SH2D5: variants seen among roughly 807,000 people sequenced by gnomAD.
The protein encoded by SH2D5 is SH2 domain-containing protein 5.
SH2D5 carries 45 observed loss-of-function variants against 48.2 expected under a neutral mutation model. The ratio of observed to expected loss-of-function variants is 0.93; its 90% confidence interval spans 0.73 to 1.20. The LOEUF (loss-of-function observed/expected upper bound fraction) is 1.20. Ranked by LOEUF, SH2D5 falls within the 50% of genes most tolerant of loss-of-function variation. The pLI, the probability that SH2D5 is intolerant of heterozygous loss-of-function variation, is 0.00. For missense variants in SH2D5, 538 were observed against 584.1 expected, an observed-to-expected ratio of 0.92 and a Z score of 0.81; for synonymous variants, 230 against 249.8, an observed-to-expected ratio of 0.92 and a Z score of 0.75.
At chr1:20,723,591 G>A in intron 8 of SH2D5, 35 bp downstream of exon 8, 2 of 1,546,396 alleles carry the variant, frequency 1.3e-6, no homozygotes, top group South Asian at 1.1e-5. Flanking sequence ...CCACCCCAAG[G>A]GACTGGGCGT....
intron 5 of SH2D5, 60 bp from the exon 6 acceptor site, chr1:20,724,695 C>T (rs2054762756): frequency 6.8e-7 from 1 of 1,460,360 alleles, no homozygotes; most frequent in South Asian, 1.4e-5. Context: ...CCAGTGAACT[C>T]CCTGGGCCTC....
At chr1:20,722,667 C>G (rs2054709305) in intron 9 of SH2D5, 89 bp downstream of exon 9, 45 of 1,320,338 alleles carry the variant, frequency 3.4e-5, no homozygotes, top group Non-Finnish European at 4.2e-5. Context: ...TTCAGGACCT[C>G]AGCAGTTAGA....
At position 20,729,399 on chromosome 1, in the gene SH2D5, C is replaced by T. The variant is rs1321684964; in HGVS notation, c.-42-1313G>A. 6.6e-6 allele frequency among the ~76,000 whole-genome samples: 1 copy of T among 152,148 alleles called. No homozygotes were observed. The highest frequency in any genetic ancestry group is 6.5e-5 in the Admixed American group (1 of 15,284). ...GGTCCAAATCCTGTGTGACTTTGGA[C>T]CAGCTGCCTCAACCCTCTGAGCCTC... On this transcript the variant is annotated intron_variant, in intron 1 of 9. Coordinates refer to ENST00000444387, the MANE Select transcript of SH2D5 (RefSeq NM_001103161.2). The surrounding 1 kb of genome is among the most constrained non-coding windows in gnomAD (Gnocchi z 4.2).
Position 20,728,011 on chromosome 1 carries a change from A to C in SH2D5, c.34T>G (p.Ser12Ala). The C allele has an allele frequency of 1.9e-6, 3 of 1,563,738 alleles. No homozygotes were observed. The highest frequency in any genetic ancestry group is 2.6e-6 in the Non-Finnish European group (3 of 1,155,182). ...CGGTGAGGGGCCAGCCCGCAGTCAG[A>C]GGCCCTGCGGCCCCCAGCCCCCGCC... is the stretch of plus-strand genomic sequence containing the variant. ...QKAGAGGRRA[S>A]DCGLAPHRPR... The change falls in exon 2 of 10, where the codon TCT becomes GCT. Residue 12 changes from serine to alanine, a missense_variant. Coordinates refer to ENST00000444387, the MANE Select transcript of SH2D5 (RefSeq NM_001103161.2). The surrounding 1 kb of genome is among the most constrained non-coding windows in gnomAD (Gnocchi z 4.3).
chr1:20,721,697 G>T lies in SH2D5; in HGVS notation c.*95C>A. ...GCTCCAAGGGCAGGGTGACTGGATGGAACTGGCAACCAGAGGGGTGCAGGA... is the reference window on the plus strand; with the variant it reads ...GCTCCAAGGGCAGGGTGACTGGATGTAACTGGCAACCAGAGGGGTGCAGGA... On this transcript the variant is annotated 3_prime_UTR_variant, in exon 10 of 10. Transcript: ENST00000444387. 1 of 1,205,534 alleles carries T rather than the reference G, an allele frequency of 8.3e-7. No homozygotes were observed. The highest frequency in any genetic ancestry group is 1.7e-5 in the South Asian group (1 of 59,506). 74.7% of individuals were successfully genotyped at this position (1,205,534 alleles called of 1,614,324 possible). A position where few individuals can be genotyped will look rare whatever the true frequency, so the allele number is the denominator to read the frequency against.
intron 5 of SH2D5, 68 bp from the exon 6 acceptor site, chr1:20,724,703 C>T: frequency 2.8e-6 from 4 of 1,441,510 alleles, no homozygotes; most frequent in Non-Finnish European, 3.6e-6. Flanking sequence ...CTCCCTGGGC[C>T]TCAGCCCACT....
chr1:20,724,108 C>T lies in SH2D5; in HGVS notation c.774G>A (p.Gln258=). ...GAYRGCTYET[Q]LQLSAREAFP... ...AGGCCTCCCGAGCCGACAGCTGCAGCTGGGTCTCATAGGTGCAGCCGCGGT... is the reference window on the plus strand; with the variant it reads ...AGGCCTCCCGAGCCGACAGCTGCAGTTGGGTCTCATAGGTGCAGCCGCGGT... Residue 258 remains glutamine (Q), a synonymous_variant, in exon 7 of 10, where the codon CAG becomes CAA. Coordinates refer to ENST00000444387, the MANE Select transcript of SH2D5 (RefSeq NM_001103161.2). The T allele has an allele frequency of 6.2e-7, 1 of 1,612,134 alleles. No individual in the cohort carries two copies. The highest frequency in any genetic ancestry group is 8.5e-7 in the Non-Finnish European group (1 of 1,179,278).
intron 1 of SH2D5, among the ~76,000 whole-genome samples, chr1:20,730,310 G>T (rs942101391): frequency 5.7e-5 from 1 of 17,466 alleles, no homozygotes; most frequent in Non-Finnish European, 1.3e-4. Context: ...CCTGCTCGGG[G>T]GGGGGGGGGA....
At chr1:20,727,348 AG>A in intron 3 of SH2D5, 174 bp downstream of exon 3, 1 of 664,862 alleles carries the variant, frequency 1.5e-6, no homozygotes, top group South Asian at 1.9e-5. Flanking sequence ...ACAGTAGCCC[AG>A]GGCATAAGGG....
At position 20,724,241 on chromosome 1, in the gene SH2D5, G is replaced by T; in HGVS notation, c.641C>A (p.Pro214Gln). The T allele has an allele frequency of 6.2e-7, 1 of 1,612,656 alleles. No homozygotes were observed. The highest frequency in any genetic ancestry group is 1.1e-5 in the South Asian group (1 of 91,064). The part of the protein sequence containing the change: ...EGLVGSGKEL[P>Q]ESEGRARHAR... Reference sequence around the variant, plus strand: ...ATGGCGGGCACGGCCTTCCGACTCTGGCAGCTCCTTCTAGGGCACCAAGAG... The same window carrying T: ...ATGGCGGGCACGGCCTTCCGACTCTTGCAGCTCCTTCTAGGGCACCAAGAG... Residue 214 changes from proline (P) to glutamine (Q), a missense_variant, in exon 7 of 10, where the codon CCA becomes CAA. Physicochemically the swap from Pro to Gln is moderately conservative, Grantham distance 76 (BLOSUM62 -1). Coordinates refer to ENST00000444387, the MANE Select transcript of SH2D5 (RefSeq NM_001103161.2).
At chr1:20,725,869 G>C (rs528935255) in intron 5 of SH2D5, 51 bp downstream of exon 5, 13 of 1,599,474 alleles carry the variant, frequency 8.1e-6, no homozygotes, top group South Asian at 6.8e-5. Context: ...GATGCCTGGC[G>C]CACAGCCCCT....
intron 1 of SH2D5, among the ~76,000 whole-genome samples, chr1:20,730,057 G>A (rs1016205439): frequency 6.6e-6 from 1 of 152,180 alleles, no homozygotes; most frequent in Non-Finnish European, 1.5e-5. Flanking sequence ...GGTGGGGAGG[G>A]GGGCTTCCAG....
At position 20,720,040 on chromosome 1, in the gene SH2D5, A is replaced by T. The variant is rs139699357; in HGVS notation, c.*1752T>A. ...GAGAGCCTTGGCCCAAGTCTGGACC[A>T]ATGACCAGGTCTTCTTAAGTGCCCA... On this transcript the variant is annotated 3_prime_UTR_variant, in exon 10 of 10. Transcript: ENST00000444387. The T allele has an allele frequency of 1.2e-3, 184 of 152,340 alleles. No homozygotes were observed. Among genetic ancestry groups the T allele is most frequent in the African/African-American group, 4.3e-3 (177 of 41,580 alleles). The allele number at this position is 152,340 out of a possible 1,614,324, so 9.4% of individuals were successfully genotyped here. A position where few individuals can be genotyped will look rare whatever the true frequency, so the allele number is the denominator to read the frequency against.
At position 20,732,050 on chromosome 1, in the gene SH2D5, T is replaced by C. The variant is rs2054920170; in HGVS notation, c.-43+131A>G. 1 of 151,202 alleles carries C rather than the reference T, an allele frequency of 6.6e-6. No individual in the cohort carries two copies. The highest frequency in any genetic ancestry group is 2.4e-5 in the African/African-American group (1 of 40,868). 9.4% of individuals were successfully genotyped at this position (151,202 alleles called of 1,614,324 possible). A position where few individuals can be genotyped will look rare whatever the true frequency, so the allele number is the denominator to read the frequency against. On this transcript the variant is annotated intron_variant, in intron 1 of 9. Coordinates refer to ENST00000444387, the MANE Select transcript of SH2D5 (RefSeq NM_001103161.2). This position sits in a 1 kb window ranked among gnomAD's most constrained non-coding sequence, Gnocchi z 5.1. ...GCCGCTCCGGCCCGCGACCCCCGCG[T>C]CTCCCGCCGCCGCAGCCCCGCGCCT...
chr1:20,720,780 CA>C lies in SH2D5; in HGVS notation c.*1011del, dbSNP rs1250403857. 6.6e-6 allele frequency: 1 copy of C among 152,286 alleles called. No homozygotes were observed. The highest frequency in any genetic ancestry group is 2.4e-5 in the African/African-American group (1 of 41,476). 9.4% of individuals were successfully genotyped at this position (152,286 alleles called of 1,614,324 possible). A position where few individuals can be genotyped will look rare whatever the true frequency, so the allele number is the denominator to read the frequency against. ...TCGACGGTTCTGCTGTGACTGACCCCATTCCCAGTGGGGCTGGCCTGGTGAG... is the reference window on the plus strand; with the variant it reads ...TCGACGGTTCTGCTGTGACTGACCCCTTCCCAGTGGGGCTGGCCTGGTGAG... On this transcript the variant is annotated 3_prime_UTR_variant, in exon 10 of 10. Coordinates refer to ENST00000444387, the MANE Select transcript of SH2D5 (RefSeq NM_001103161.2).
At chr1:20,723,340 A>T (rs151135742) in intron 8 of SH2D5, among the ~76,000 whole-genome samples, 1 of 152,198 alleles carries the variant, frequency 6.6e-6, no homozygotes, top group Admixed American at 6.5e-5. Flanking sequence ...AGGCTTAAAG[A>T]GCTGACGCTT....
At position 20,727,710 on chromosome 1, in the gene SH2D5, C is replaced by T. The variant is rs878919367; in HGVS notation, c.88-107G>A. ...CACACATCTGCTCTGCCAGGCGTGT[C>T]TGTGGACAGACAGAGCTCGATTCTC... On this transcript the variant is annotated intron_variant, in intron 2 of 9. Transcript: ENST00000444387. 5 of 1,111,272 alleles carry T rather than the reference C, an allele frequency of 4.5e-6. No homozygotes were observed. The Admixed American group carries it at 1.1e-4, about 25-fold the overall frequency. The allele number at this position is 1,111,272 out of a possible 1,614,324, so 68.8% of individuals were successfully genotyped here.
At chr1:20,723,579 G>A (rs1345762948) in intron 8 of SH2D5, 47 bp downstream of exon 8, 1 of 1,472,836 alleles carries the variant, frequency 6.8e-7, no homozygotes, top group Admixed American at 1.8e-5. Flanking sequence ...ATATTTCTCT[G>A]CCCACCCCAA....
chr1:20,731,722 C>CT (rs1382791155), intron 1 of SH2D5: 1 of 151,702 alleles, frequency 6.6e-6, no homozygotes, highest in Non-Finnish European at 1.5e-5. Flanking sequence ...GCCGAGGCCC[C>CT]TGAGGGGCGG....
Sources: gnomAD v4.1 joint callset for allele counts (sites outside exome capture counted in the v4.1 genomes callset) on GRCh38, gnomAD v4.1.1 for gene constraint, Gnocchi (gnomAD v3.1) non-coding constraint, MANE v1.5 for transcripts, NCBI Gene and HGNC (gene_info 2026-07-23, HGNC 2026-07-21) for gene names.